Variants in PTGDR2 observed in about 807,000 individuals in gnomAD.
PTGDR2 encodes the protein G-protein coupled receptor 44.
For synonymous variants in PTGDR2, 276 were observed against 278.4 expected (o/e 0.99, Z 0.09); for missense variants, 544 against 576.6 (o/e 0.94, Z 0.58).
chr11:60,853,247 G>A lies in PTGDR2; in HGVS notation c.476C>T (p.Ala159Val), dbSNP rs1430445362. The change falls in exon 2 of 2, where the codon GCG (alanine) becomes GTG (valine). Residue 159 changes from alanine (A) to valine (V), a missense_variant. By Grantham distance (64) the Ala-to-Val change is moderately conservative. Transcript: ENST00000332539. Reference sequence around the variant, plus strand: ...GAAATAGGGCACCGTGTTGAGCACCGCTAGTGCCCAAAGCACCAGGCAGAC... The same window carrying A: ...GAAATAGGGCACCGTGTTGAGCACCACTAGTGCCCAAAGCACCAGGCAGAC... ...HKVCLVLWAL[A>V]VLNTVPYFVF... 6.2e-7 allele frequency: 1 copy of A among 1,613,142 alleles called. No individual in the cohort carries two copies. The highest frequency in any genetic ancestry group is 8.5e-7 in the Non-Finnish European group (1 of 1,179,798).
rs761295583 is a variant in PTGDR2 at position 60,853,061 on chromosome 11, A to G, written c.662T>C (p.Ile221Thr). ...FLLAFLVPLA[I>T]IASSHAAVSL... Reference sequence around the variant, plus strand: ...CACGGCCGCGTGGCTCGAGGCGATGATCGCCAGCGGCACCAGGAAGGCCAG... The same window carrying G: ...CACGGCCGCGTGGCTCGAGGCGATGGTCGCCAGCGGCACCAGGAAGGCCAG... Residue 221 changes from isoleucine to threonine, a missense_variant, in exon 2 of 2, where the codon ATC becomes ACC. Ile to Thr is a moderately conservative substitution (Grantham distance 89). Transcript: ENST00000332539. The G allele has an allele frequency of 1.3e-6, 2 of 1,582,526 alleles. No homozygotes were observed. Among genetic ancestry groups the G allele is most frequent in the South Asian group, 2.3e-5 (2 of 88,460 alleles).
At chr11:60,854,732 G>A (rs1855335003) in intron 1 of PTGDR2, among the ~76,000 whole-genome samples, 1 of 152,208 alleles carries the variant, frequency 6.6e-6, no homozygotes, top group Non-Finnish European at 1.5e-5. Context: ...CATAGGTGCT[G>A]TCTTTCTGGC....
intron 1 of PTGDR2, among the ~76,000 whole-genome samples, chr11:60,854,931 G>A (rs962545415): frequency 6.6e-6 from 1 of 152,192 alleles, no homozygotes; most frequent in Non-Finnish European, 1.5e-5. Context: ...AGGAAGAAAA[G>A]CGGGAGAGGG....
At position 60,852,636 on chromosome 11, in the gene PTGDR2, G is replaced by T; in HGVS notation, c.1087C>A (p.Pro363Thr). 7.5e-7 allele frequency: 1 copy of T among 1,332,306 alleles called. No homozygotes were observed. The highest frequency in any genetic ancestry group is 1.5e-5 in the African/African-American group (1 of 65,168). 82.5% of individuals were successfully genotyped at this position (1,332,306 alleles called of 1,614,324 possible). The change falls in exon 2 of 2, where the codon CCG becomes ACG. Residue 363 changes from proline to threonine, a missense_variant. By Grantham distance (38) the Pro-to-Thr change is conservative. Transcript: ENST00000332539. The part of the protein sequence containing the change: ...PLALCSRPEE[P>T]RGPARLLGWL... ...CCGAGGAGACGCGCGGGGCCCCGCG[G>T]TTCCTCCGGGCGGCTGCAGAGAGCT...
rs1855283607 is a variant in PTGDR2 at position 60,852,460 on chromosome 11, G to A, written c.*75C>T. Reference sequence around the variant, plus strand: ...TCGGACTTTGATCACTGCGGCAGGAGTCCGGATATCGAATTGAACCGCGGC... The same window carrying A: ...TCGGACTTTGATCACTGCGGCAGGAATCCGGATATCGAATTGAACCGCGGC... On this transcript the variant is annotated 3_prime_UTR_variant, in exon 2 of 2. Coordinates refer to ENST00000332539, the MANE Select transcript of PTGDR2 (RefSeq NM_004778.3). 2 of 1,196,032 alleles carry A rather than the reference G, an allele frequency of 1.7e-6. No individual in the cohort carries two copies. Among genetic ancestry groups the A allele is most frequent in the South Asian group, 4.0e-5 (1 of 24,840 alleles). 74.1% of individuals were successfully genotyped at this position (1,196,032 alleles called of 1,614,324 possible).
chr11:60,852,999 C>T lies in PTGDR2; in HGVS notation c.724G>A (p.Gly242Ser). The T allele has an allele frequency of 1.4e-6, 2 of 1,438,830 alleles. No individual in the cohort carries two copies. Among genetic ancestry groups the T allele is most frequent in the Non-Finnish European group, 1.8e-6 (2 of 1,099,354 alleles). 89.1% of individuals were successfully genotyped at this position (1,438,830 alleles called of 1,614,324 possible). A position where few individuals can be genotyped will look rare whatever the true frequency, so the allele number is the denominator to read the frequency against. ...GCCGCCACCAGGCGCACGAAGCGGC[C>T]TGGCCGCCGGCGGCCGCGGTGCTGC... ...RLQHRGRRRP[G>S]RFVRLVAAVV... The change falls in exon 2 of 2, where the codon GGC (glycine) becomes AGC (serine). Residue 242 changes from glycine to serine, a missense_variant. Transcript: ENST00000332539.
rs1411908035 is a variant in PTGDR2, at chr11:60,851,911, A to G, written c.*624T>C. Reference sequence around the variant, plus strand: ...CTGGGCAAGTCACTTAACCTCCCTGAGCCAGAATGTGCTCAGCTGTAAAGA... The same window carrying G: ...CTGGGCAAGTCACTTAACCTCCCTGGGCCAGAATGTGCTCAGCTGTAAAGA... On this transcript the variant is annotated 3_prime_UTR_variant, in exon 2 of 2. Coordinates refer to ENST00000332539, the MANE Select transcript of PTGDR2 (RefSeq NM_004778.3). 6.6e-6 allele frequency: 1 copy of G among 152,260 alleles called. No homozygotes were observed. The highest frequency in any genetic ancestry group is 1.5e-5 in the Non-Finnish European group (1 of 68,072). The allele number at this position is 152,260 out of a possible 1,614,324, so 9.4% of individuals were successfully genotyped here. A position where few individuals can be genotyped will look rare whatever the true frequency, so the allele number is the denominator to read the frequency against.
At chr11:60,855,625 C>T (rs1289974992) in intron 1 of PTGDR2, among the ~76,000 whole-genome samples, 1 of 152,204 alleles carries the variant, frequency 6.6e-6, no homozygotes, top group African/African-American at 2.4e-5. Context: ...CATCTTCCCA[C>T]CCAGACTGCT....
intron 1 of PTGDR2, among the ~76,000 whole-genome samples, chr11:60,855,451 C>T (rs1364022003): frequency 6.7e-6 from 1 of 148,236 alleles, no homozygotes; most frequent in African/African-American, 2.5e-5. Flanking sequence ...CCAGGATTCT[C>T]AGGAGCCAAG....
rs1213132348 is a variant in PTGDR2, at chr11:60,852,820, C to A, written c.903G>T (p.Pro301=). 2 of 1,560,254 alleles carry A rather than the reference C, an allele frequency of 1.3e-6. No homozygotes were observed. Among genetic ancestry groups the A allele is most frequent in the Non-Finnish European group, 1.7e-6 (2 of 1,153,520 alleles). Residue 301 remains proline (P), a synonymous_variant, in exon 2 of 2, where the codon CCG becomes CCT. Transcript: ENST00000332539. ...CGGGGCAGGTGAGCACGTAGAGCAC[C>A]GGGTTGGCCACGCTGTTGAAGAAGG... ...SLAFFNSVAN[P]VLYVLTCPDM...
In PTGDR2 at chr11:60,852,815, AG is replaced by A; in HGVS notation, c.907del (p.Leu303SerfsTer52). 2 of 1,560,586 alleles carry A rather than the reference AG, an allele frequency of 1.3e-6. No homozygotes were observed. The highest frequency in any genetic ancestry group is 1.7e-6 in the Non-Finnish European group (2 of 1,153,728). ...AFFNSVANPVLYVLTCPDMLR... is the reference protein window; with the variant it reads ...AFFNSVANPVXYVLTCPDMLR... The stretch of plus-strand genomic sequence containing the variant: ...CATGTCGGGGCAGGTGAGCACGTAG[AG>A]CACCGGGTTGGCCACGCTGTTGAAG... On this transcript the variant is annotated frameshift_variant, in exon 2 of 2. Transcript: ENST00000332539. LOFTEE classifies it low-confidence loss of function (END_TRUNC).
rs1455476755 is a variant in PTGDR2, at chr11:60,852,545, G to GTGC, written c.1175_1177dup (p.Ser392dup). The GTGC allele has an allele frequency of 7.9e-7, 1 of 1,269,198 alleles. No homozygotes were observed. The highest frequency in any genetic ancestry group is 9.9e-7 in the Non-Finnish European group (1 of 1,008,788). The allele number at this position is 1,269,198 out of a possible 1,614,324, so 78.6% of individuals were successfully genotyped here. ...TACGTGGGCCGGGTTCTAACTCGAGGTGCTGCTCAGCGCCCGGTTCAGGGG... is the reference window on the plus strand; with the variant it reads ...TACGTGGGCCGGGTTCTAACTCGAGGTGCTGCTGCTCAGCGCCCGGTTCAGGGG... On this transcript the variant is annotated inframe_insertion, in exon 2 of 2. Coordinates refer to ENST00000332539, the MANE Select transcript of PTGDR2 (RefSeq NM_004778.3).
chr11:60,851,010 T>C lies in PTGDR2; in HGVS notation c.*1525A>G, dbSNP rs912773108. 2.0e-5 allele frequency: 3 copies of C among 152,128 alleles called. No individual in the cohort carries two copies. Among genetic ancestry groups the C allele is most frequent in the African/African-American group, 7.2e-5 (3 of 41,396 alleles). The allele number at this position is 152,128 out of a possible 1,614,324, so 9.4% of individuals were successfully genotyped here. The stretch of plus-strand genomic sequence containing the variant: ...CCTAGGCACCGGCAAATACAGACAA[T>C]AGACCAAAGTCCCTGCCCTCGAGGA... On this transcript the variant is annotated 3_prime_UTR_variant, in exon 2 of 2. Coordinates refer to ENST00000332539, the MANE Select transcript of PTGDR2 (RefSeq NM_004778.3).
intron 1 of PTGDR2, among the ~76,000 whole-genome samples, chr11:60,854,592 G>A (rs1274794111): frequency 6.6e-6 from 1 of 152,232 alleles, no homozygotes; most frequent in Non-Finnish European, 1.5e-5. Flanking sequence ...TGTGAGGCTG[G>A]TCAAGACCAG....
chr11:60,854,729 GCTGT>G (rs1855334959), intron 1 of PTGDR2, among the ~76,000 whole-genome samples: 2 of 152,200 alleles, frequency 1.3e-5, no homozygotes, highest in African/African-American at 4.8e-5. Flanking sequence ...TCACATAGGT[GCTGT>G]CTTTCTGGCT....
rs1323217298 is a variant in PTGDR2, at chr11:60,851,765, G to A, written c.*770C>T. Reference sequence around the variant, plus strand: ...TTGGAAGCACTTTGGGCAGTGCTGGGTCACAAGGTAGCATCTTAAGTCCCT... The same window carrying A: ...TTGGAAGCACTTTGGGCAGTGCTGGATCACAAGGTAGCATCTTAAGTCCCT... On this transcript the variant is annotated 3_prime_UTR_variant, in exon 2 of 2. Coordinates refer to ENST00000332539, the MANE Select transcript of PTGDR2 (RefSeq NM_004778.3). The A allele has an allele frequency of 6.6e-6, 1 of 152,220 alleles. No individual in the cohort carries two copies. Among genetic ancestry groups the A allele is most frequent in the East Asian group, 1.9e-4 (1 of 5,200 alleles). 9.4% of individuals were successfully genotyped at this position (152,220 alleles called of 1,614,324 possible). A position where few individuals can be genotyped will look rare whatever the true frequency, so the allele number is the denominator to read the frequency against.
At position 60,852,583 on chromosome 11, in the gene PTGDR2, G is replaced by C. The variant is rs1855286925; in HGVS notation, c.1140C>G (p.Ser380=). The part of the protein sequence containing the change: ...LGWLLGSCAA[S]PQTGPLNRAL... ...CCCGGTTCAGGGGGCCCGTCTGCGG[G>C]GACGCTGCGCAGCTGCCCAGCAGCC... Residue 380 remains serine (S), a synonymous_variant, in exon 2 of 2, where the codon TCC becomes TCG. Coordinates refer to ENST00000332539, the MANE Select transcript of PTGDR2 (RefSeq NM_004778.3). 7.7e-7 allele frequency: 1 copy of C among 1,294,502 alleles called. No homozygotes were observed. Among genetic ancestry groups the C allele is most frequent in the Non-Finnish European group, 9.8e-7 (1 of 1,021,894 alleles). The allele number at this position is 1,294,502 out of a possible 1,614,324, so 80.2% of individuals were successfully genotyped here.
At position 60,853,531 on chromosome 11, in the gene PTGDR2, G is replaced by T. The variant is rs752571407; in HGVS notation, c.192C>A (p.Thr64=). ...GGTGCAGCACCCAGGTGGTGACCAC[G>T]GTCTGGCGCATGCGGCAGCCCACCA... The part of the protein sequence containing the change: ...LFVVGCRMRQ[T]VVTTWVLHLA... The change falls in exon 2 of 2, where the codon ACC becomes ACA. Residue 64 remains threonine, a synonymous_variant. Transcript: ENST00000332539. The T allele has an allele frequency of 3.9e-6, 6 of 1,557,192 alleles. No homozygotes were observed. In the South Asian group the frequency reaches 4.7e-5, roughly 12 times the overall value.
rs761432030 is a variant in PTGDR2 at position 60,853,417 on chromosome 11, G to A, written c.306C>T (p.Thr102=). 4 of 1,579,616 alleles carry A rather than the reference G, an allele frequency of 2.5e-6. No individual in the cohort carries two copies. The highest frequency in any genetic ancestry group is 1.3e-5 in the African/African-American group (1 of 74,236). Residue 102 remains threonine (T), a synonymous_variant, in exon 2 of 2, where the codon ACC becomes ACT. Transcript: ENST00000332539. ...AGATGGAGGAGTGCAGTTTGCAGAA[G>A]GTGGTGCCCAGCTCCCACGAGTGGC... is the stretch of plus-strand genomic sequence containing the variant. ...AVGHSWELGT[T]FCKLHSSIFF... is the part of the protein sequence containing the mutation.
Sources: gnomAD v4.1 joint callset for allele counts (sites outside exome capture counted in the v4.1 genomes callset) on GRCh38, gnomAD v4.1.1 for gene constraint, MANE v1.5 for transcripts, NCBI Gene and HGNC (gene_info 2026-07-23, HGNC 2026-07-21) for gene names.